Variants in FANCC observed in about 807,000 individuals in gnomAD.
FANCC encodes the protein Fanconi anemia group C protein.
Under a neutral mutation model 71.3 loss-of-function variants are expected in FANCC, and 55 were observed. The observed-to-expected ratio is 0.77, with a 90% confidence interval of 0.62 to 0.97. FANCC has a LOEUF of 0.97. Ranked by LOEUF, FANCC falls within the 50% of genes least tolerant of loss-of-function variation. The pLI is 0.00. For missense variants in FANCC, 678 were observed against 670.9 expected, an observed-to-expected ratio of 1.01 and a Z score of -0.12; for synonymous variants, 275 against 244.9, an observed-to-expected ratio of 1.12 and a Z score of -1.15.
intron 14 of FANCC, 63 bp from the exon 15 acceptor site, chr9:95,101,913 C>A: frequency 6.3e-7 from 1 of 1,596,236 alleles, no homozygotes. Context: ...GTCCTTTGTC[C>A]AGGGACGGAC....
chr9:95,198,128 C>T (rs356679), intron 4 of FANCC, among the ~76,000 whole-genome samples: 23,519 of 152,100 alleles, frequency 0.15, 2,009 homozygotes, highest in Middle Eastern at 0.24. Flanking sequence ...GTGAGACACA[C>T]GTCATGACCC....
rs543497974 is a variant in FANCC at position 95,249,851 on chromosome 9, C to T, written c.-78-482G>A. Among the ~76,000 whole-genome samples, 25 of 152,200 alleles carry T rather than the reference C, an allele frequency of 1.6e-4. No homozygotes were observed. The South Asian group carries it at 5.0e-3, about 30-fold the overall frequency. On this transcript the variant is annotated intron_variant, in intron 1 of 14. Transcript: ENST00000289081. The stretch of plus-strand genomic sequence containing the variant: ...AAAATCTCTATGCATTACTGTCTAA[C>T]GAATTTTTTTCCCAGTTTCTCTTCA...
At chr9:95,122,050 G>A (rs980077800) in intron 10 of FANCC, among the ~76,000 whole-genome samples, 1 of 151,830 alleles carries the variant, frequency 6.6e-6, no homozygotes, top group Admixed American at 6.6e-5. Context: ...AGTAGAGACA[G>A]GGTTTCACCG....
chr9:95,245,966 TGTGA>T (rs1482694951), intron 3 of FANCC, among the ~76,000 whole-genome samples: 5 of 152,104 alleles, frequency 3.3e-5, no homozygotes, highest in Non-Finnish European at 7.4e-5. Flanking sequence ...TGTACTATAC[TGTGA>T]GTAACTGCAA....
chr9:95,114,849 C>A, intron 11 of FANCC, 139 bp from the exon 12 acceptor site: 1 of 739,400 alleles, frequency 1.4e-6, no homozygotes, highest in Admixed American at 2.0e-5. Flanking sequence ...TGTTCTCATG[C>A]TTTTCCCAGC....
At chr9:95,304,530 A>G (rs1834953971) in intron 1 of FANCC, among the ~76,000 whole-genome samples, 1 of 151,570 alleles carries the variant, frequency 6.6e-6, no homozygotes, top group Admixed American at 6.6e-5. Context: ...AGATCATTTG[A>G]GCCCAGGAGT....
At chr9:95,125,581 T>TA (rs1825851176) in intron 9 of FANCC, among the ~76,000 whole-genome samples, 1 of 152,144 alleles carries the variant, frequency 6.6e-6, no homozygotes, top group Non-Finnish European at 1.5e-5. Context: ...AGTAGGAAAA[T>TA]AATGTGTGTG....
At chr9:95,231,236 G>A (rs1045960334) in intron 4 of FANCC, among the ~76,000 whole-genome samples, 2 of 152,106 alleles carry the variant, frequency 1.3e-5, no homozygotes, top group African/African-American at 4.8e-5. Context: ...TGCAATATTT[G>A]CAGAAAGTAA....
chr9:95,216,736 T>G (rs921003367), intron 4 of FANCC, among the ~76,000 whole-genome samples: 4 of 152,176 alleles, frequency 2.6e-5, no homozygotes, highest in Non-Finnish European at 5.9e-5. Flanking sequence ...TGCACAGTAT[T>G]TATCTAGGAC....
chr9:95,170,679 T>TGTGTGTGTGTGTGTGTGTGG (rs1554842441), intron 6 of FANCC, among the ~76,000 whole-genome samples: 1 of 144,656 alleles, frequency 6.9e-6, no homozygotes, highest in Non-Finnish European at 1.5e-5. Flanking sequence ...TGTGTGTGTG[T>TGTGTGTGTGTGTGTGTGTGG]TGGGAGCAGA....
intron 1 of FANCC, among the ~76,000 whole-genome samples, chr9:95,273,206 C>T (rs1170026115): frequency 1.3e-5 from 2 of 152,100 alleles, no homozygotes; most frequent in African/African-American, 2.4e-5. Flanking sequence ...AAATGCCTAC[C>T]GGTGAGGAAG....
At chr9:95,260,125 C>T (rs1296838690) in intron 1 of FANCC, among the ~76,000 whole-genome samples, 1 of 152,206 alleles carries the variant, frequency 6.6e-6, no homozygotes, top group East Asian at 1.9e-4. Context: ...TTGTGGAAGA[C>T]AGTGTGGAGA....
At chr9:95,170,885 T>G (rs901823668) in intron 6 of FANCC, among the ~76,000 whole-genome samples, 194 bp downstream of exon 6, 2 of 152,074 alleles carry the variant, frequency 1.3e-5, no homozygotes, top group Admixed American at 6.5e-5. Flanking sequence ...TCTGTGAGAG[T>G]TGAGAAAATA....
Position 95,114,698 on chromosome 9 carries a change from C to A in FANCC, c.1085G>T (p.Gly362Val), listed in dbSNP as rs1246894660. 8.7e-6 allele frequency: 14 copies of A among 1,614,132 alleles called. 1 individual carries two copies. In the East Asian group the frequency reaches 3.1e-4, roughly 36 times the overall value. ...LLQDPQDIPR[G>V]HWLQTLKHIS... ...ATGCTTCAGTGTCTGGAGCCAGTGT[C>A]CCCGAGGGATATCTGCGGGTGGAGA... is the stretch of plus-strand genomic sequence containing the variant. The change falls in exon 12 of 15, where the codon GGA becomes GTA. Residue 362 changes from glycine (G) to valine (V), a missense_variant. By Grantham distance (109) the Gly-to-Val change is moderately radical (BLOSUM62 -3). Transcript: ENST00000289081.
chr9:95,151,412 G>A (rs753674562), intron 6 of FANCC, among the ~76,000 whole-genome samples: 6 of 152,186 alleles, frequency 3.9e-5, no homozygotes, highest in Non-Finnish European at 7.3e-5. Flanking sequence ...ATTTAGTCTT[G>A]TGTTTTGTGA....
At chr9:95,183,593 C>T (rs1051875588) in intron 4 of FANCC, among the ~76,000 whole-genome samples, 5 of 152,204 alleles carry the variant, frequency 3.3e-5, no homozygotes, top group African/African-American at 4.8e-5. Context: ...ACTGGGAAAA[C>T]ATGACATCGC....
chr9:95,105,521 G>T (rs926527399), intron 14 of FANCC, among the ~76,000 whole-genome samples: 4 of 152,224 alleles, frequency 2.6e-5, no homozygotes, highest in Non-Finnish European at 5.9e-5. Flanking sequence ...TTAAATTGTG[G>T]TAAAATATAC....
intron 1 of FANCC, among the ~76,000 whole-genome samples, chr9:95,253,746 G>A (rs539662158): frequency 1.3e-5 from 2 of 151,270 alleles, no homozygotes; most frequent in South Asian, 4.2e-4. Context: ...TGAGATTCTG[G>A]TGCACCCATC....
intron 7 of FANCC, among the ~76,000 whole-genome samples, chr9:95,136,791 C>A (rs902879787): frequency 6.6e-6 from 1 of 152,200 alleles, no homozygotes; most frequent in Non-Finnish European, 1.5e-5. Flanking sequence ...CCAGACACAA[C>A]CATTTTGTGT....
Sources: allele counts gnomAD v4.1 joint callset (sites outside exome capture counted in the v4.1 genomes callset), GRCh38; gene constraint gnomAD v4.1.1; transcripts MANE v1.5; gene names NCBI Gene and HGNC (gene_info 2026-07-23, HGNC 2026-07-21).